Variants in ROR2 observed in about 807,000 individuals in gnomAD.
The protein encoded by ROR2 is tyrosine-protein kinase transmembrane receptor ROR2.
Under a neutral mutation model 74.9 loss-of-function variants are expected in ROR2, and 33 were observed. The ratio of observed to expected loss-of-function variants is 0.44; its 90% confidence interval spans 0.33 to 0.59. The LOEUF is 0.59. ROR2 is among the 20% of genes least tolerant of loss of function. The probability of loss-of-function intolerance (pLI) is 0.02; values close to 1 mark genes in which losing one functional copy is unlikely to be tolerated. For missense variants in ROR2, 1,216 were observed against 1,313.8 expected (o/e 0.93, Z 1.15); for synonymous variants, 586 against 558.7 (o/e 1.05, Z -0.69).
At chr9:91,864,879 A>G (rs1046904942) in intron 1 of ROR2, among the ~76,000 whole-genome samples, 3 of 152,168 alleles carry the variant, frequency 2.0e-5, no homozygotes, top group African/African-American at 4.8e-5. Flanking sequence ...ACCCCTTTAC[A>G]TCTTCCTTCT....
intron 2 of ROR2, among the ~76,000 whole-genome samples, chr9:91,760,288 C>A (rs1825872005): frequency 6.6e-6 from 1 of 152,188 alleles, no homozygotes; most frequent in South Asian, 2.1e-4. Context: ...GTTGCTGTGG[C>A]AACATCACAT....
rs1391531897 is a variant in ROR2, at chr9:91,724,015, C to A, written c.2479G>T (p.Val827Leu). 1 of 1,612,470 alleles carries A rather than the reference C, an allele frequency of 6.2e-7. No homozygotes were observed. Among genetic ancestry groups the A allele is most frequent in the South Asian group, 1.1e-5 (1 of 91,076 alleles). The part of the protein sequence containing the change: ...LYVPVNGYQP[V>L]PAYGAYLPNF... ...GGCAGGTAGGCCCCATAGGCCGGCA[C>A]CGGCTGGTAGCCGTTGACGGGGACG... Residue 827 changes from valine to leucine, a missense_variant, in exon 9 of 9, where the codon GTG becomes TTG. Physicochemically the swap from Val to Leu is conservative, Grantham distance 32. Coordinates refer to ENST00000375708, the MANE Select transcript of ROR2 (RefSeq NM_004560.4).
chr9:91,741,728 G>A (rs1187140048), intron 4 of ROR2, among the ~76,000 whole-genome samples: 2 of 152,162 alleles, frequency 1.3e-5, no homozygotes, highest in Non-Finnish European at 2.9e-5. Flanking sequence ...CCTAGGTGAA[G>A]CAGAGGAAGC....
intron 1 of ROR2, among the ~76,000 whole-genome samples, chr9:91,842,823 G>C (rs1433236312): frequency 1.3e-5 from 2 of 152,320 alleles, no homozygotes; most frequent in South Asian, 4.1e-4. Context: ...TGGCACACAG[G>C]TGCCACCTAA....
At chr9:91,884,699 T>C (rs1830222398) in intron 1 of ROR2, among the ~76,000 whole-genome samples, 1 of 152,132 alleles carries the variant, frequency 6.6e-6, no homozygotes, top group Non-Finnish European at 1.5e-5. Context: ...TCCTGCGGGC[T>C]GTCATACACA....
intron 1 of ROR2, among the ~76,000 whole-genome samples, chr9:91,937,733 T>C (rs1467055185): frequency 6.6e-6 from 1 of 152,156 alleles, no homozygotes; most frequent in Non-Finnish European, 1.5e-5. Context: ...TTATCTTCTT[T>C]TGAGACTGAG....
intron 5 of ROR2, among the ~76,000 whole-genome samples, chr9:91,736,546 G>C (rs1409538757): frequency 6.6e-6 from 1 of 152,240 alleles, no homozygotes; most frequent in Admixed American, 6.5e-5. Flanking sequence ...TGGGGCACCG[G>C]CCATCTGCAC....
At chr9:91,826,371 C>G (rs1828290755) in intron 1 of ROR2, among the ~76,000 whole-genome samples, 1 of 152,168 alleles carries the variant, frequency 6.6e-6, no homozygotes, top group African/African-American at 2.4e-5. Flanking sequence ...GTAAACCTTA[C>G]ATTTTTATTT....
chr9:91,753,437 G>A (rs1200886304), intron 4 of ROR2, among the ~76,000 whole-genome samples: 1 of 152,214 alleles, frequency 6.6e-6, no homozygotes, highest in African/African-American at 2.4e-5. Flanking sequence ...TAACAAGTTT[G>A]GAAGTCATCT....
intron 1 of ROR2, among the ~76,000 whole-genome samples, chr9:91,900,250 A>C (rs1430015650): frequency 6.6e-6 from 1 of 152,196 alleles, no homozygotes; most frequent in Non-Finnish European, 1.5e-5. Context: ...CCTCGCATCC[A>C]GAGGCCCAAG....
intron 4 of ROR2, among the ~76,000 whole-genome samples, chr9:91,751,877 C>A (rs1383164153): frequency 6.6e-6 from 1 of 152,084 alleles, no homozygotes; most frequent in Non-Finnish European, 1.5e-5. Context: ...AATAATAATG[C>A]AACAAAAATC....
At chr9:91,765,810 T>A (rs748548350) in intron 2 of ROR2, among the ~76,000 whole-genome samples, 1 of 152,206 alleles carries the variant, frequency 6.6e-6, no homozygotes, top group Non-Finnish European at 1.5e-5. Context: ...CCAAGGCTCT[T>A]GATGAAACTG....
chr9:91,744,643 A>C (rs975464464), intron 4 of ROR2, among the ~76,000 whole-genome samples: 10 of 152,156 alleles, frequency 6.6e-5, no homozygotes, highest in Non-Finnish European at 1.3e-4. Context: ...CAGATGTGGC[A>C]AAAACATCCA....
intron 1 of ROR2, among the ~76,000 whole-genome samples, chr9:91,835,286 A>G (rs1205670356): frequency 2.0e-5 from 3 of 152,172 alleles, no homozygotes; most frequent in African/African-American, 7.2e-5. Flanking sequence ...CCACCCCAAA[A>G]TAGCCTTGGC....
At chr9:91,810,251 T>A (rs1325762474) in intron 1 of ROR2, among the ~76,000 whole-genome samples, 2 of 152,136 alleles carry the variant, frequency 1.3e-5, no homozygotes, top group African/African-American at 2.4e-5. Context: ...CTGGCGTCTT[T>A]GGGAAGAGTT....
At chr9:91,881,356 T>C (rs990684332) in intron 1 of ROR2, among the ~76,000 whole-genome samples, 1 of 152,246 alleles carries the variant, frequency 6.6e-6, no homozygotes, top group African/African-American at 2.4e-5. Context: ...ATGAGTCCTA[T>C]GTCCTCACTT....
At chr9:91,910,387 A>G (rs1830945330) in intron 1 of ROR2, among the ~76,000 whole-genome samples, 2 of 152,234 alleles carry the variant, frequency 1.3e-5, no homozygotes, top group South Asian at 4.1e-4. Flanking sequence ...TTTGAGACTT[A>G]CTAATTTTAC....
chr9:91,806,707 A>G (rs1288080163), intron 1 of ROR2, among the ~76,000 whole-genome samples: 1 of 152,154 alleles, frequency 6.6e-6, no homozygotes, highest in Admixed American at 6.5e-5. Context: ...CTCCTGCCTC[A>G]GCCTCCCAAG....
chr9:91,942,835 T>G (rs1831911587), intron 1 of ROR2, among the ~76,000 whole-genome samples: 1 of 152,082 alleles, frequency 6.6e-6, no homozygotes, highest in African/African-American at 2.4e-5. Flanking sequence ...GCAAAAAAGT[T>G]TTCTCCCCTA....
Sources: allele counts gnomAD v4.1 joint callset (sites outside exome capture counted in the v4.1 genomes callset), GRCh38; gene constraint gnomAD v4.1.1; transcripts MANE v1.5; gene names NCBI Gene and HGNC (gene_info 2026-07-23, HGNC 2026-07-21).